The following CTNNA3 variants were observed in gnomAD, a reference collection of about 807,000 sequenced individuals.
The protein encoded by CTNNA3 is catenin alpha-3.
In CTNNA3, 76 loss-of-function variants were observed where a neutral mutation model predicts 95.7. That is an observed-to-expected ratio of 0.79 (90% CI 0.66 to 0.96). The LOEUF is 0.96. Among genes scored for constraint, CTNNA3 ranks in the 40% least tolerant of loss-of-function variants. The probability of loss-of-function intolerance (pLI) is 0.00; values close to 1 mark genes in which losing one functional copy is unlikely to be tolerated. For missense variants in CTNNA3, 1,191 were observed against 1,089.8 expected (o/e 1.09, Z -1.31); for synonymous variants, 431 against 374.4 (o/e 1.15, Z -1.74).
intron 7 of CTNNA3, among the ~76,000 whole-genome samples, chr10:66,999,013 T>A (rs563800647): frequency 6.6e-6 from 1 of 152,250 alleles, no homozygotes; most frequent in South Asian, 2.1e-4. Flanking sequence ...ATAAGACAAT[T>A]AAATTAGAAA....
At chr10:67,510,693 G>C (rs1839594483) in intron 5 of CTNNA3, among the ~76,000 whole-genome samples, 1 of 152,032 alleles carries the variant, frequency 6.6e-6, no homozygotes, top group South Asian at 2.1e-4. Context: ...TTTTGGTTCT[G>C]TATGAAATGT....
intron 7 of CTNNA3, among the ~76,000 whole-genome samples, chr10:66,979,384 A>G (rs1440588843): frequency 3.3e-5 from 5 of 152,168 alleles, no homozygotes; most frequent in Admixed American, 2.0e-4. Context: ...GTATTAGAAC[A>G]CACCTATGGA....
At chr10:66,471,686 T>A (rs1345155612) in intron 11 of CTNNA3, among the ~76,000 whole-genome samples, 1 of 151,784 alleles carries the variant, frequency 6.6e-6, no homozygotes, top group African/African-American at 2.4e-5. Flanking sequence ...ACATCACATA[T>A]AAAGGTCGGC....
rs16924679 is a variant in CTNNA3 at position 67,573,332 on chromosome 10, C to A, written c.292+33525G>T. 4.9e-4 allele frequency among the ~76,000 whole-genome samples: 74 copies of A among 152,188 alleles called. 2 individuals carry two copies. In the East Asian group the frequency reaches 0.014, roughly 28 times the overall value. On this transcript the variant is annotated intron_variant, in intron 3 of 17. Coordinates refer to ENST00000433211, the MANE Select transcript of CTNNA3 (RefSeq NM_013266.4). Reference sequence around the variant, plus strand: ...CTTCCTCTTTCAGTTTGCAAGCATGCAGCCTGGACAGAAAAGGAAGCAAGT... The same window carrying A: ...CTTCCTCTTTCAGTTTGCAAGCATGAAGCCTGGACAGAAAAGGAAGCAAGT...
intron 15 of CTNNA3, among the ~76,000 whole-genome samples, chr10:66,066,822 T>C (rs775097587): frequency 6.6e-6 from 1 of 152,162 alleles, no homozygotes; most frequent in Non-Finnish European, 1.5e-5. Flanking sequence ...CATATGAGAA[T>C]ATCTATGCAT....
At chr10:66,212,255 G>T (rs553916388) in intron 13 of CTNNA3, among the ~76,000 whole-genome samples, 7 of 152,086 alleles carry the variant, frequency 4.6e-5, no homozygotes, top group Non-Finnish European at 1.0e-4. Flanking sequence ...CTCCCAAAGT[G>T]CTGGGTTTAC....
rs531780639 is a variant in CTNNA3 at position 65,997,386 on chromosome 10, C to T, written c.2160-8589G>A. ...TTTTGGTGAAATATAAAATCTGGTG[C>T]TGCACACTGGTCAATCGGTATACCA... On this transcript the variant is annotated intron_variant, in intron 15 of 17. Transcript: ENST00000433211. Among the ~76,000 whole-genome samples, 123 of 152,272 alleles carry T rather than the reference C, an allele frequency of 8.1e-4. 1 individual carries two copies. The highest frequency in any genetic ancestry group is 1.5e-3 in the Non-Finnish European group (105 of 68,038).
rs1208222112 is a variant in CTNNA3 at position 66,520,777 on chromosome 10, TA to T, written c.1375-5del. The T allele has an allele frequency of 1.9e-6, 3 of 1,611,124 alleles. No homozygotes were observed. The highest frequency in any genetic ancestry group is 2.5e-6 in the Non-Finnish European group (3 of 1,178,630). On this transcript the variant is annotated splice_region_variant and splice_polypyrimidine_tract_variant and intron_variant, in intron 10 of 17. Transcript: ENST00000433211. ...AAGCAAGTGCAGCATTAATAATCTATAAAGATAAGGATTGAAAAAATTACCT... is the reference window on the plus strand; with the variant it reads ...AAGCAAGTGCAGCATTAATAATCTATAAGATAAGGATTGAAAAAATTACCT...
chr10:67,012,883 G>A (rs1395573138), intron 7 of CTNNA3: 1 of 151,834 alleles, frequency 6.6e-6, no homozygotes, highest in Admixed American at 6.6e-5. Context: ...ACAGCTCCAT[G>A]AACATAAAGC....
chr10:67,693,464 T>A (rs185605356), intron 1 of CTNNA3, among the ~76,000 whole-genome samples: 1 of 152,328 alleles, frequency 6.6e-6, no homozygotes, highest in Admixed American at 6.5e-5. Context: ...CAGGCCAGTT[T>A]GGGTTGCCAA....
intron 5 of CTNNA3, among the ~76,000 whole-genome samples, chr10:67,349,269 A>T: frequency 6.6e-6 from 1 of 152,228 alleles, no homozygotes; most frequent in East Asian, 1.9e-4. Flanking sequence ...TCATTGCAGC[A>T]CTATCTACAA....
chr10:66,651,106 G>T (rs1845880883), intron 9 of CTNNA3, among the ~76,000 whole-genome samples: 1 of 152,162 alleles, frequency 6.6e-6, no homozygotes, highest in Admixed American at 6.5e-5. Flanking sequence ...AGATTAGCTA[G>T]ACACAGAGCA....
At chr10:67,539,372 A>T in intron 4 of CTNNA3, 131 bp downstream of exon 4, 1 of 912,456 alleles carries the variant, frequency 1.1e-6, no homozygotes, top group Non-Finnish European at 1.7e-6. Flanking sequence ...AACCCAGTCT[A>T]GTCTGCTTCT....
chr10:66,759,849 T>C (rs1248393562), intron 9 of CTNNA3, among the ~76,000 whole-genome samples: 1 of 152,314 alleles, frequency 6.6e-6, no homozygotes, highest in East Asian at 1.9e-4. Flanking sequence ...ATTGAAATTA[T>C]AGTGTTTGGG....
chr10:66,287,330 T>A (rs1036363556), intron 12 of CTNNA3, among the ~76,000 whole-genome samples: 31 of 152,222 alleles, frequency 2.0e-4, no homozygotes, highest in African/African-American at 7.2e-4. Context: ...CCTATGTCTC[T>A]TACTTTACTG....
At chr10:67,020,873 A>C (rs1328142723) in intron 7 of CTNNA3, among the ~76,000 whole-genome samples, 1 of 152,158 alleles carries the variant, frequency 6.6e-6, no homozygotes, top group African/African-American at 2.4e-5. Flanking sequence ...TAATGCATGG[A>C]AGAGGAAAAT....
intron 3 of CTNNA3, among the ~76,000 whole-genome samples, chr10:67,587,911 T>C (rs1004225655): frequency 2.6e-5 from 4 of 152,172 alleles, no homozygotes; most frequent in Admixed American, 2.0e-4. Flanking sequence ...TCATATTTTT[T>C]ATATATTTTT....
At chr10:67,602,704 G>A (rs988547253) in intron 3 of CTNNA3, among the ~76,000 whole-genome samples, 1 of 152,094 alleles carries the variant, frequency 6.6e-6, no homozygotes, top group Non-Finnish European at 1.5e-5. Flanking sequence ...ACCATCTCAT[G>A]GCAATTATTG....
intron 4 of CTNNA3, among the ~76,000 whole-genome samples, chr10:67,523,584 G>A (rs1364107718): frequency 2.0e-5 from 3 of 152,042 alleles, no homozygotes; most frequent in African/African-American, 4.8e-5. Flanking sequence ...GTGAAAACTC[G>A]GAAAACTCAC....
Sources: gnomAD v4.1 joint callset for allele counts (sites outside exome capture counted in the v4.1 genomes callset) on GRCh38, gnomAD v4.1.1 for gene constraint, MANE v1.5 for transcripts, NCBI Gene and HGNC (gene_info 2026-07-23, HGNC 2026-07-21) for gene names.